The following SVOP variants were observed in gnomAD, a reference collection of about 807,000 sequenced individuals.
The protein encoded by SVOP is SV2 related protein.
Under a neutral mutation model 69.1 loss-of-function variants are expected in SVOP, and 17 were observed. That is an observed-to-expected ratio of 0.25 (90% confidence interval 0.17 to 0.37). SVOP has a LOEUF of 0.37. Ranked by LOEUF, SVOP falls within the 10% of genes least tolerant of loss-of-function variation. The pLI, the probability that SVOP is intolerant of heterozygous loss-of-function variation, is 1.00. For synonymous variants in SVOP, 238 were observed against 238.6 expected (o/e 1.00, Z 0.02); for missense variants, 435 against 597.5 (o/e 0.73, Z 2.84).
Position 108,912,622 on chromosome 12 carries a change from G to A in SVOP, c.1560C>T (p.Ser520=), listed in dbSNP as rs2039691450. Residue 520 remains serine (S), a synonymous_variant, in exon 16 of 16, where the codon TCC becomes TCT. Coordinates refer to ENST00000610966, the MANE Select transcript of SVOP (RefSeq NM_018711.5). Reference sequence around the variant, plus strand: ...TCTCCTGGCCCCACTCCCGGTGGCTGGACTCCTGCAGTCCTCGGCCTTTGG... The same window carrying A: ...TCTCCTGGCCCCACTCCCGGTGGCTAGACTCCTGCAGTCCTCGGCCTTTGG... The part of the protein sequence containing the change: ...IETKGRGLQE[S]SHREWGQEMV... 6.2e-7 allele frequency: 1 copy of A among 1,613,802 alleles called. No homozygotes were observed. Among genetic ancestry groups the A allele is most frequent in the Non-Finnish European group, 8.5e-7 (1 of 1,179,886 alleles).
chr12:109,016,618 C>A (rs1219141547), intron 1 of SVOP, among the ~76,000 whole-genome samples: 1 of 152,096 alleles, frequency 6.6e-6, no homozygotes, highest in Non-Finnish European at 1.5e-5. Context: ...TGTTCTTAAT[C>A]CTCTCTCTTT....
intron 5 of SVOP, among the ~76,000 whole-genome samples, chr12:108,971,973 G>A (rs947185418): frequency 1.3e-5 from 2 of 151,972 alleles, no homozygotes; most frequent in African/African-American, 4.8e-5. Flanking sequence ...AGGATTGCTT[G>A]AGCCTGGGAG....
At chr12:109,017,120 C>T (rs1398535838) in intron 1 of SVOP, among the ~76,000 whole-genome samples, 5 of 152,038 alleles carry the variant, frequency 3.3e-5, no homozygotes, top group South Asian at 2.1e-4. Flanking sequence ...GCCAAGGACC[C>T]GTAACGGTCT....
chr12:108,978,905 T>G (rs982783864), intron 2 of SVOP, among the ~76,000 whole-genome samples: 2 of 152,202 alleles, frequency 1.3e-5, no homozygotes, highest in Non-Finnish European at 2.9e-5. Flanking sequence ...ATAAATTAAG[T>G]AGATATTATA....
At chr12:108,952,386 C>T (rs190334545) in intron 6 of SVOP, among the ~76,000 whole-genome samples, 47 of 151,862 alleles carry the variant, frequency 3.1e-4, no homozygotes, top group Non-Finnish European at 5.9e-4. Flanking sequence ...AGGTGTGCAC[C>T]ACCACGCCTG....
At chr12:108,927,677 C>A (rs1378880246) in intron 11 of SVOP, among the ~76,000 whole-genome samples, 1 of 150,632 alleles carries the variant, frequency 6.6e-6, no homozygotes, top group Admixed American at 6.7e-5. Context: ...TCGCTCACTG[C>A]AACCCTCCAC....
intron 10 of SVOP, chr12:108,937,011 A>C (rs1201348968): frequency 6.5e-6 from 3 of 461,910 alleles, no homozygotes; most frequent in Non-Finnish European, 1.2e-5. Flanking sequence ...GCAGTAAGCT[A>C]GGAGAGCGCC....
chr12:108,982,322 ATCACCATCATCATCATCT>A (rs1198221181), intron 2 of SVOP, among the ~76,000 whole-genome samples: 2 of 151,304 alleles, frequency 1.3e-5, no homozygotes, highest in African/African-American at 4.9e-5. Flanking sequence ...TTTCATCATC[ATCACCATCATCATCATCT>A]TCACCATCAT....
intron 1 of SVOP, among the ~76,000 whole-genome samples, chr12:108,997,624 A>G (rs2040243427): frequency 2.6e-5 from 4 of 151,576 alleles, no homozygotes; most frequent in Admixed American, 2.6e-4. Flanking sequence ...GAGAACGGGC[A>G]GACTGCCTCC....
At chr12:108,993,378 CA>C (rs371842542) in intron 1 of SVOP, among the ~76,000 whole-genome samples, 56 of 139,834 alleles carry the variant, frequency 4.0e-4, no homozygotes, top group Admixed American at 8.6e-4. Context: ...ATTTTGCCTT[CA>C]AAAAAAAAAA....
chr12:108,924,979 T>C (rs1370035341), intron 11 of SVOP, among the ~76,000 whole-genome samples: 1 of 151,850 alleles, frequency 6.6e-6, no homozygotes, highest in African/African-American at 2.4e-5. Flanking sequence ...ACCTTAACAC[T>C]CCTTCCTGCT....
chr12:108,990,928 G>GCAAC (rs2040196918), intron 1 of SVOP, among the ~76,000 whole-genome samples: 2 of 152,206 alleles, frequency 1.3e-5, no homozygotes, highest in African/African-American at 4.8e-5. Flanking sequence ...ATTCCCAGAT[G>GCAAC]CTGCTGGCAT....
intron 1 of SVOP, among the ~76,000 whole-genome samples, chr12:108,990,086 G>A (rs1228001396): frequency 2.0e-5 from 3 of 152,096 alleles, no homozygotes; most frequent in Non-Finnish European, 2.9e-5. Flanking sequence ...TGGTAATAGC[G>A]CCTTCAGTCC....
chr12:108,937,380 G>A, intron 9 of SVOP, 43 bp from the exon 10 acceptor site: 2 of 1,578,148 alleles, frequency 1.3e-6, no homozygotes, highest in Non-Finnish European at 1.7e-6. Flanking sequence ...CTCCCCTACA[G>A]ATGCACGGGA....
intron 7 of SVOP, among the ~76,000 whole-genome samples, chr12:108,943,191 A>G (rs1260491843): frequency 1.3e-5 from 2 of 152,154 alleles, no homozygotes; most frequent in African/African-American, 4.8e-5. Context: ...TGGAGCCCCC[A>G]AGAACCTTCC....
chr12:109,020,773 G>A, intron 1 of SVOP, 61 bp downstream of exon 1: 1 of 344,536 alleles, frequency 2.9e-6, no homozygotes, highest in Non-Finnish European at 5.1e-6. Flanking sequence ...CACCCCCCTT[G>A]CAGGTTTTCG....
At chr12:108,957,798 T>C (rs1266991555) in intron 6 of SVOP, among the ~76,000 whole-genome samples, 1 of 152,110 alleles carries the variant, frequency 6.6e-6, no homozygotes, top group African/African-American at 2.4e-5. Context: ...TCAGCGAGAG[T>C]GCTCGCTGAA....
rs371638751 is a variant in SVOP, at chr12:108,927,861, G to T, written c.1049-5064C>A. Among the ~76,000 whole-genome samples, 12 of 151,572 alleles carry T rather than the reference G, an allele frequency of 7.9e-5. No individual in the cohort carries two copies. In the East Asian group the frequency reaches 1.4e-3, roughly 17 times the overall value. ...TTCACCTGCCTCAGCCTCCCAAAGT[G>T]CTGGGATTAAAGGCATGAGCCACCA... On this transcript the variant is annotated intron_variant, in intron 11 of 15. Coordinates refer to ENST00000610966, the MANE Select transcript of SVOP (RefSeq NM_018711.5).
chr12:108,994,560 G>C (rs2040220941), intron 1 of SVOP, among the ~76,000 whole-genome samples: 2 of 152,184 alleles, frequency 1.3e-5, no homozygotes, highest in African/African-American at 2.4e-5. Flanking sequence ...CCAGAGTTCA[G>C]TGCCTTATGG....
Sources: gnomAD v4.1 joint callset for allele counts (sites outside exome capture counted in the v4.1 genomes callset) on GRCh38, gnomAD v4.1.1 for gene constraint, MANE v1.5 for transcripts, NCBI Gene and HGNC (gene_info 2026-07-23, HGNC 2026-07-21) for gene names.